GRID2IP: variants seen among roughly 807,000 people sequenced by gnomAD.
GRID2IP encodes delphilin.
A neutral mutation model predicts 114.3 loss-of-function variants in GRID2IP; 78 were observed. That is an observed-to-expected ratio of 0.68 (90% CI 0.57 to 0.82). The LOEUF is 0.82. Ranked by LOEUF, GRID2IP falls within the 40% of genes least tolerant of loss-of-function variation. GRID2IP has a pLI of 0.00. For missense variants in GRID2IP, 1,727 were observed against 1,678.5 expected (o/e 1.03, Z -0.51); for synonymous variants, 809 against 724.0 (o/e 1.12, Z -1.89).
chr7:6,541,560 G>T lies in GRID2IP; in HGVS notation c.430-1688C>A, dbSNP rs117999835. 2.3e-4 allele frequency among the ~76,000 whole-genome samples: 35 copies of T among 152,332 alleles called. No homozygotes were observed. In the East Asian group the frequency reaches 5.6e-3, roughly 24 times the overall value. ...GCACATCTGCACACAGGAGTGTGTG[G>T]CCATTGGAAATGAGCGTGCAAATGG... On this transcript the variant is annotated intron_variant, in intron 1 of 21. Coordinates refer to ENST00000457091, the MANE Select transcript of GRID2IP (RefSeq NM_001145118.2).
chr7:6,510,230 C>G (rs1786727423), intron 11 of GRID2IP, 53 bp downstream of exon 11: 2 of 1,247,640 alleles, frequency 1.6e-6, no homozygotes, highest in African/African-American at 3.0e-5. Flanking sequence ...CAGGGCTGAG[C>G]CTGGGGTGGA....
Position 6,505,849 on chromosome 7 carries a change from T to C in GRID2IP, c.2603A>G (p.Glu868Gly). The change falls in exon 14 of 22, where the codon GAG becomes GGG. Residue 868 changes from glutamate (E) to glycine (G), a missense_variant. Transcript: ENST00000457091. ...LSDMVKYLDLELHFGTQKPAK... is the reference protein window; with the variant it reads ...LSDMVKYLDLGLHFGTQKPAK... The stretch of plus-strand genomic sequence containing the variant: ...AGGTTTCTGGGTGCCGAAGTGGAGC[T>C]CCAGGTCGAGGTATTTCACCATGTC... 2 of 1,552,060 alleles carry C rather than the reference T, an allele frequency of 1.3e-6. No homozygotes were observed. The highest frequency in any genetic ancestry group is 1.7e-6 in the Non-Finnish European group (2 of 1,147,018).
rs1006175798 is a variant in GRID2IP, at chr7:6,497,498, T to A, written c.*276A>T. ...CCCCCCTGACAGCCTGGGAGCGAAG[T>A]GGGAAGTGGGCCCAAGAAGCCGACA... On this transcript the variant is annotated 3_prime_UTR_variant, in exon 22 of 22. Coordinates refer to ENST00000457091, the MANE Select transcript of GRID2IP (RefSeq NM_001145118.2). 24 of 346,384 alleles carry A rather than the reference T, an allele frequency of 6.9e-5. No homozygotes were observed. Among genetic ancestry groups the A allele is most frequent in the Non-Finnish European group, 1.1e-4 (21 of 191,138 alleles). The allele number at this position is 346,384 out of a possible 1,614,324, so 21.5% of individuals were successfully genotyped here.
chr7:6,503,511 G>A lies in GRID2IP; in HGVS notation c.2887C>T (p.Pro963Ser), dbSNP rs1219323589. The change falls in exon 16 of 22, where the codon CCG becomes TCG. Residue 963 changes from proline to serine, a missense_variant. Pro to Ser is a moderately conservative substitution (Grantham distance 74). Transcript: ENST00000457091. ...FREAPGRLSEPDQFVLQMLSV... is the reference protein window; with the variant it reads ...FREAPGRLSESDQFVLQMLSV... ...GGCACCTGCAGGACGAACTGGTCCG[G>A]CTCGCTGAGGCGGCCGGGCGCCTCG... The A allele has an allele frequency of 1.3e-6, 2 of 1,525,692 alleles. No individual in the cohort carries two copies. The highest frequency in any genetic ancestry group is 8.7e-7 in the Non-Finnish European group (1 of 1,143,130). The allele number at this position is 1,525,692 out of a possible 1,614,324, so 94.5% of individuals were successfully genotyped here. A position where few individuals can be genotyped will look rare whatever the true frequency, so the allele number is the denominator to read the frequency against.
rs1382457213 is a variant in GRID2IP at position 6,528,849 on chromosome 7, G to A, written c.585-2080C>T. ...AATGTCCTGCTCACCTCTGCCCGGT[G>A]CCCATTCCCATCCACCTGCAATGCT... On this transcript the variant is annotated intron_variant, in intron 2 of 21. Transcript: ENST00000457091. This position sits in a 1 kb window ranked among gnomAD's most constrained non-coding sequence, Gnocchi z 6.0. Among the ~76,000 whole-genome samples the A allele has an allele frequency of 6.6e-6, 1 of 152,096 alleles. No individual in the cohort carries two copies. The highest frequency in any genetic ancestry group is 1.5e-5 in the Non-Finnish European group (1 of 68,016).
Position 6,532,092 on chromosome 7 carries a change from C to T in GRID2IP, c.585-5323G>A, listed in dbSNP as rs894969367. On this transcript the variant is annotated intron_variant, in intron 2 of 21. Transcript: ENST00000457091. This position sits in a 1 kb window ranked among gnomAD's most constrained non-coding sequence, Gnocchi z 4.4. ...CAGGAAAGGAGGTCTGGACTCATCC[C>T]TGGAGGCTCTGGGCCTGCCATCCCC... 2.0e-5 allele frequency among the ~76,000 whole-genome samples: 3 copies of T among 152,124 alleles called. No individual in the cohort carries two copies. The highest frequency in any genetic ancestry group is 4.4e-5 in the Non-Finnish European group (3 of 68,002).
rs1468848434 is a variant in GRID2IP at position 6,536,834 on chromosome 7, A to G, written c.584+2884T>C. ...AAGGGGCTCACCCCTTACTCACCCC[A>G]GGCAGCTCATGGTGGCCTCTTTCGG... is the stretch of plus-strand genomic sequence containing the variant. On this transcript the variant is annotated intron_variant, in intron 2 of 21. Transcript: ENST00000457091. This position sits in a 1 kb window ranked among gnomAD's most constrained non-coding sequence, Gnocchi z 5.3. 1.8e-5 allele frequency: 12 copies of G among 674,672 alleles called. No individual in the cohort carries two copies. Among genetic ancestry groups the G allele is most frequent in the Non-Finnish European group, 3.2e-5 (12 of 369,958 alleles). The allele number at this position is 674,672 out of a possible 1,614,324, so 41.8% of individuals were successfully genotyped here. A position where few individuals can be genotyped will look rare whatever the true frequency, so the allele number is the denominator to read the frequency against.
Position 6,527,958 on chromosome 7 carries a change from A to G in GRID2IP, c.585-1189T>C, listed in dbSNP as rs1309713840. 3.9e-5 allele frequency among the ~76,000 whole-genome samples: 6 copies of G among 152,080 alleles called. No individual in the cohort carries two copies. The East Asian group carries it at 1.2e-3, about 29-fold the overall frequency. ...TTTTTAGTAGAGATGGGGTTTCACCATGTTGGCCAGGCTGGTCTTGAACTC... is the reference window on the plus strand; with the variant it reads ...TTTTTAGTAGAGATGGGGTTTCACCGTGTTGGCCAGGCTGGTCTTGAACTC... On this transcript the variant is annotated intron_variant, in intron 2 of 21. Transcript: ENST00000457091.
intron 2 of GRID2IP, among the ~76,000 whole-genome samples, chr7:6,538,052 G>C (rs1779755800): frequency 6.6e-6 from 1 of 152,044 alleles, no homozygotes; most frequent in Admixed American, 6.6e-5. Context: ...TGTCTGCTGA[G>C]GTCCTTGGCA....
intron 1 of GRID2IP, among the ~76,000 whole-genome samples, chr7:6,548,841 C>CA (rs60120996): frequency 0.039 from 4,172 of 105,972 alleles, 178 homozygotes; most frequent in African/African-American, 0.11. Flanking sequence ...GACTCTGCCT[C>CA]AAAAAAAAAA....
rs986569340 is a variant in GRID2IP, at chr7:6,516,802, A to G, written c.1269-2273T>C. Among the ~76,000 whole-genome samples the G allele has an allele frequency of 1.3e-5, 2 of 152,116 alleles. No individual in the cohort carries two copies. Among genetic ancestry groups the G allele is most frequent in the Admixed American group, 1.3e-4 (2 of 15,254 alleles). Reference sequence around the variant, plus strand: ...TTTAAAATGCATAGAAGAAATAATTACGTAAGCTGTCCCCTCTTTCTCTCC... The same window carrying G: ...TTTAAAATGCATAGAAGAAATAATTGCGTAAGCTGTCCCCTCTTTCTCTCC... On this transcript the variant is annotated intron_variant, in intron 7 of 21. Coordinates refer to ENST00000457091, the MANE Select transcript of GRID2IP (RefSeq NM_001145118.2). This position sits in a 1 kb window ranked among gnomAD's most constrained non-coding sequence, Gnocchi z 4.3.
rs934657432 is a variant in GRID2IP, at chr7:6,532,680, G to A, written c.585-5911C>T. On this transcript the variant is annotated intron_variant, in intron 2 of 21. Coordinates refer to ENST00000457091, the MANE Select transcript of GRID2IP (RefSeq NM_001145118.2). This position sits in a 1 kb window ranked among gnomAD's most constrained non-coding sequence, Gnocchi z 4.4. ...CCAGCACAGCTCTCTGTCGTCTGTG[G>A]GGCCCCAGCCATCCCATTATGATTG... Among the ~76,000 whole-genome samples the A allele has an allele frequency of 2.6e-5, 4 of 152,204 alleles. No homozygotes were observed. The highest frequency in any genetic ancestry group is 1.3e-4 in the Admixed American group (2 of 15,280).
intron 1 of GRID2IP, among the ~76,000 whole-genome samples, chr7:6,540,190 A>T (rs1024782208): frequency 3.4e-5 from 5 of 147,102 alleles, no homozygotes. Flanking sequence ...TTGGCACACT[A>T]GAACCTCCAT....
intron 1 of GRID2IP, among the ~76,000 whole-genome samples, chr7:6,546,010 C>T (rs1019101121): frequency 3.3e-5 from 5 of 152,036 alleles, no homozygotes; most frequent in African/African-American, 7.2e-5. Flanking sequence ...AGTGCGGTTT[C>T]GGTGTCAGTT....
At position 6,509,294 on chromosome 7, in the gene GRID2IP, G is replaced by T. The variant is rs771099700; in HGVS notation, c.1791C>A (p.Gly597=). The T allele has an allele frequency of 6.6e-7, 1 of 1,522,598 alleles. No homozygotes were observed. The highest frequency in any genetic ancestry group is 8.8e-7 in the Non-Finnish European group (1 of 1,132,684). 94.3% of individuals were successfully genotyped at this position (1,522,598 alleles called of 1,614,324 possible). Residue 597 remains glycine (G), a synonymous_variant, in exon 12 of 22, where the codon GGC becomes GGA. Transcript: ENST00000457091. The surrounding 1 kb of genome is among the most constrained non-coding windows in gnomAD (Gnocchi z 4.9). ...AGAGTCGCTCGCTGGGCCATGAGACGCCGGACAGGGTCCTGGGCCCTGGAG... is the reference window on the plus strand; with the variant it reads ...AGAGTCGCTCGCTGGGCCATGAGACTCCGGACAGGGTCCTGGGCCCTGGAG... ...AVTTGPRTLS[G]VSWPSERLLP... is the part of the protein sequence containing the mutation.
chr7:6,514,621 C>T, intron 7 of GRID2IP, 92 bp from the exon 8 acceptor site: 1 of 1,191,504 alleles, frequency 8.4e-7, no homozygotes, highest in Non-Finnish European at 1.1e-6. Context: ...TTCCAAGCCA[C>T]AGCGTCTGCC....
intron 4 of GRID2IP, among the ~76,000 whole-genome samples, chr7:6,524,487 G>A (rs910835838): frequency 6.6e-6 from 1 of 152,140 alleles, no homozygotes; most frequent in Non-Finnish European, 1.5e-5. Context: ...ATGAATATGA[G>A]TGCACACACA....
chr7:6,537,527 G>A (rs1047018445), intron 2 of GRID2IP, among the ~76,000 whole-genome samples: 10 of 149,526 alleles, frequency 6.7e-5, no homozygotes, highest in Non-Finnish European at 1.2e-4. Flanking sequence ...ACAGGCGCCC[G>A]CCACCACAAC....
At chr7:6,548,855 A>AG (rs936298988) in intron 1 of GRID2IP, among the ~76,000 whole-genome samples, 18 of 151,962 alleles carry the variant, frequency 1.2e-4, no homozygotes, top group African/African-American at 4.3e-4. Context: ...AAAAAAAAAA[A>AG]AAAAGTCTAT....
Sources: gnomAD v4.1 joint callset for allele counts (sites outside exome capture counted in the v4.1 genomes callset) on GRCh38, gnomAD v4.1.1 for gene constraint, Gnocchi (gnomAD v3.1) non-coding constraint, MANE v1.5 for transcripts, NCBI Gene and HGNC (gene_info 2026-07-23, HGNC 2026-07-21) for gene names.